Variants in GRM8 observed in about 807,000 individuals in gnomAD.
The protein encoded by GRM8 is metabotropic glutamate receptor 8.
A neutral mutation model predicts 87.2 loss-of-function variants in GRM8; 47 were observed. That is an observed-to-expected ratio of 0.54 (90% confidence interval 0.43 to 0.69). The LOEUF is 0.69. GRM8 is among the 30% of genes least tolerant of loss of function. The pLI is 0.00. For synonymous variants in GRM8, 396 were observed against 404.5 expected, an observed-to-expected ratio of 0.98 and a Z score of 0.25; for missense variants, 1,019 against 1,139.2, an observed-to-expected ratio of 0.89 and a Z score of 1.52.
At chr7:127,126,741 G>A (rs1827395515) in intron 2 of GRM8, among the ~76,000 whole-genome samples, 1 of 151,758 alleles carries the variant, frequency 6.6e-6, no homozygotes, top group Non-Finnish European at 1.5e-5. Context: ...TTAACAAATT[G>A]GAATTCACCA....
chr7:126,932,242 CATTT>C (rs1245912450), intron 3 of GRM8, among the ~76,000 whole-genome samples: 1 of 152,100 alleles, frequency 6.6e-6, no homozygotes, highest in Admixed American at 6.6e-5. Context: ...GGCATTCGGA[CATTT>C]ATTTAAAGGG....
chr7:126,791,787 T>C (rs1481196840), intron 6 of GRM8, among the ~76,000 whole-genome samples: 1 of 152,090 alleles, frequency 6.6e-6, no homozygotes, highest in Non-Finnish European at 1.5e-5. Context: ...CTAAAACAGA[T>C]AAACATCAAT....
At chr7:127,249,590 T>C (rs889748293) in intron 1 of GRM8, among the ~76,000 whole-genome samples, 2 of 151,948 alleles carry the variant, frequency 1.3e-5, no homozygotes, top group South Asian at 2.1e-4. Flanking sequence ...ATGCTCAGCG[T>C]CCCTCCCAGT....
At position 127,076,344 on chromosome 7, in the gene GRM8, C is replaced by T. The variant is rs140187922; in HGVS notation, c.727+30152G>A. The T allele has an allele frequency of 4.5e-4, 164 of 360,988 alleles. 1 individual carries two copies. The East Asian group carries it at 9.9e-3, about 22-fold the overall frequency. The allele number at this position is 360,988 out of a possible 1,614,324, so 22.4% of individuals were successfully genotyped here. A position where few individuals can be genotyped will look rare whatever the true frequency, so the allele number is the denominator to read the frequency against. On this transcript the variant is annotated intron_variant, in intron 3 of 10. Coordinates refer to ENST00000339582, the MANE Select transcript of GRM8 (RefSeq NM_000845.3). ...CATGTTCAGATCCATCTTGAGAGCACAGCAAACACTCAGAGTATCTGGGGG... is the reference window on the plus strand; with the variant it reads ...CATGTTCAGATCCATCTTGAGAGCATAGCAAACACTCAGAGTATCTGGGGG...
intron 2 of GRM8, among the ~76,000 whole-genome samples, chr7:127,120,523 T>C (rs1827022336): frequency 6.6e-6 from 1 of 152,166 alleles, no homozygotes; most frequent in South Asian, 2.1e-4. Context: ...GAATGAGACT[T>C]TGAATTTTAA....
chr7:126,910,542 T>C (rs1440151496), intron 3 of GRM8, among the ~76,000 whole-genome samples: 1 of 152,128 alleles, frequency 6.6e-6, no homozygotes, highest in Non-Finnish European at 1.5e-5. Flanking sequence ...TGTTTAAAAG[T>C]AGATGTCATT....
rs573762492 is a variant in GRM8, at chr7:127,209,506, T to C, written c.510+33189A>G. On this transcript the variant is annotated intron_variant, in intron 2 of 10. Coordinates refer to ENST00000339582, the MANE Select transcript of GRM8 (RefSeq NM_000845.3). ...TGCCACCGCCCTCACTGCTCCAGTCTAAATTCCACACCTTCAGAGCTAGAG... is the reference window on the plus strand; with the variant it reads ...TGCCACCGCCCTCACTGCTCCAGTCCAAATTCCACACCTTCAGAGCTAGAG... Among the ~76,000 whole-genome samples the C allele has an allele frequency of 3.9e-5, 6 of 152,300 alleles. No individual in the cohort carries two copies. In the South Asian group the frequency reaches 1.2e-3, roughly 32 times the overall value.
intron 9 of GRM8, among the ~76,000 whole-genome samples, chr7:126,530,528 G>A (rs1443686174): frequency 6.6e-6 from 1 of 152,194 alleles, no homozygotes; most frequent in African/African-American, 2.4e-5. Flanking sequence ...CGACTGACAT[G>A]GGCTCAATAA....
At chr7:127,025,651 AT>A (rs558869634) in intron 3 of GRM8, among the ~76,000 whole-genome samples, 1 of 151,436 alleles carries the variant, frequency 6.6e-6, no homozygotes, top group African/African-American at 2.4e-5. Context: ...ATTTACATTT[AT>A]TTTTTTTCAA....
At chr7:126,744,152 A>G (rs1452192819) in intron 7 of GRM8, among the ~76,000 whole-genome samples, 1 of 152,016 alleles carries the variant, frequency 6.6e-6, no homozygotes, top group African/African-American at 2.4e-5. Context: ...TCTGTTCCAG[A>G]CCAAAGCATG....
chr7:127,158,633 G>A (rs1335595434), intron 2 of GRM8, among the ~76,000 whole-genome samples: 2 of 152,188 alleles, frequency 1.3e-5, no homozygotes, highest in South Asian at 4.1e-4. Flanking sequence ...TGGAAAAGGA[G>A]CAAGGGAGCC....
At chr7:127,021,874 T>C (rs1249581954) in intron 3 of GRM8, among the ~76,000 whole-genome samples, 3 of 152,104 alleles carry the variant, frequency 2.0e-5, no homozygotes, top group Non-Finnish European at 4.4e-5. Flanking sequence ...AAAAGATATG[T>C]GCAATTTTTA....
intron 3 of GRM8, among the ~76,000 whole-genome samples, chr7:126,907,117 AGAGGAAGAGGAAGAAG>A (rs1019086311): frequency 1.5e-4 from 22 of 150,830 alleles, no homozygotes; most frequent in East Asian, 1.2e-3. Context: ...AGGAGGAGAA[AGAGGAAGAGGAAGAAG>A]GAGGAAGAGG....
intron 7 of GRM8, among the ~76,000 whole-genome samples, chr7:126,696,098 G>A (rs551663597): frequency 1.3e-5 from 2 of 152,126 alleles, no homozygotes; most frequent in South Asian, 2.1e-4. Context: ...CTTGATTGAA[G>A]GTAGAATACA....
At chr7:126,949,254 T>C (rs962637446) in intron 3 of GRM8, among the ~76,000 whole-genome samples, 1 of 152,068 alleles carries the variant, frequency 6.6e-6, no homozygotes, top group African/African-American at 2.4e-5. Context: ...CTAAAAGAAC[T>C]CTCCTCAATA....
At chr7:126,476,214 T>C (rs138070680) in intron 9 of GRM8, among the ~76,000 whole-genome samples, 7 of 152,196 alleles carry the variant, frequency 4.6e-5, no homozygotes, top group African/African-American at 1.7e-4. Context: ...CAAGTTATGT[T>C]GTTTTGAGGC....
At chr7:126,903,388 A>G (rs1442805061) in intron 5 of GRM8, among the ~76,000 whole-genome samples, 1 of 151,970 alleles carries the variant, frequency 6.6e-6, no homozygotes, top group African/African-American at 2.4e-5. Flanking sequence ...TAAGCCCAGC[A>G]TCATATATAT....
chr7:127,066,620 A>G (rs1216410827), intron 3 of GRM8, among the ~76,000 whole-genome samples: 1 of 152,158 alleles, frequency 6.6e-6, no homozygotes, highest in South Asian at 2.1e-4. Context: ...TAGCATATTC[A>G]TCAACTCAAA....
chr7:126,877,480 T>C (rs1265171044), intron 6 of GRM8, among the ~76,000 whole-genome samples: 2 of 152,362 alleles, frequency 1.3e-5, no homozygotes, highest in Admixed American at 6.5e-5. Flanking sequence ...GGCTACCATA[T>C]TGGACAGAAC....
Sources: gnomAD v4.1 joint callset for allele counts (sites outside exome capture counted in the v4.1 genomes callset) on GRCh38, gnomAD v4.1.1 for gene constraint, MANE v1.5 for transcripts, NCBI Gene and HGNC (gene_info 2026-07-23, HGNC 2026-07-21) for gene names.